LRRTM4: variants seen among roughly 807,000 people sequenced by gnomAD.
The protein encoded by LRRTM4 is leucine-rich repeat transmembrane neuronal protein 4.
A neutral mutation model predicts 47.6 loss-of-function variants in LRRTM4; 25 were observed. The observed-to-expected ratio is 0.53, with a 90% CI of 0.38 to 0.73. The LOEUF (loss-of-function observed/expected upper bound fraction) is 0.73. Among genes scored for constraint, LRRTM4 ranks in the 30% least tolerant of loss-of-function variants. The probability of loss-of-function intolerance (pLI) is 0.00; values close to 1 mark genes in which losing one functional copy is unlikely to be tolerated. For missense variants in LRRTM4, 638 were observed against 713.4 expected (o/e 0.89, Z 1.20); for synonymous variants, 311 against 269.5 (o/e 1.15, Z -1.51).
At chr2:77,280,085 C>A (rs984833212) in intron 3 of LRRTM4, among the ~76,000 whole-genome samples, 4 of 151,964 alleles carry the variant, frequency 2.6e-5, no homozygotes, top group African/African-American at 9.7e-5. Context: ...CGAGATTATC[C>A]TGAATCACTT....
At chr2:77,465,520 C>T (rs1676950209) in intron 3 of LRRTM4, among the ~76,000 whole-genome samples, 1 of 152,018 alleles carries the variant, frequency 6.6e-6, no homozygotes, top group African/African-American at 2.4e-5. Flanking sequence ...TAAAAGCAAA[C>T]ATCAGAAGAG....
At chr2:77,103,167 C>T (rs184543602) in intron 3 of LRRTM4, among the ~76,000 whole-genome samples, 13 of 152,248 alleles carry the variant, frequency 8.5e-5, no homozygotes, top group African/African-American at 3.1e-4. Context: ...GCAGAGACAG[C>T]AGCAGACTGT....
rs1553434339 is a variant in LRRTM4 at position 77,362,170 on chromosome 2, A to AAAGGAAGG, written c.1551+156140_1551+156147dup. Among the ~76,000 whole-genome samples, 164 of 133,574 alleles carry AAAGGAAGG rather than the reference A, an allele frequency of 1.2e-3. 2 individuals carry two copies. Among genetic ancestry groups the AAAGGAAGG allele is most frequent in the South Asian group, 3.8e-3 (16 of 4,246 alleles). 87.6% of individuals were successfully genotyped at this position (133,574 alleles called of 152,430 possible). On this transcript the variant is annotated intron_variant, in intron 3 of 3. Coordinates refer to ENST00000409884, the MANE Select transcript of LRRTM4 (RefSeq NM_001134745.3). Reference sequence around the variant, plus strand: ...GAAAGAAAGAAAGAAAGAAAGAAAGAAAGGAAGGAAGGAAGAGTTCTTAAT... The same window carrying AAAGGAAGG: ...GAAAGAAAGAAAGAAAGAAAGAAAGAAAGGAAGGAAGGAAGGAAGGAAGAGTTCTTAAT...
At chr2:77,285,340 T>TTATATATATATATATATATATATA (rs10527679) in intron 3 of LRRTM4, among the ~76,000 whole-genome samples, 2,461 of 82,178 alleles carry the variant, frequency 0.03, 260 homozygotes, top group Non-Finnish European at 0.039. Flanking sequence ...AGCATTAAAT[T>TTATATATATATATATATATATATA]TATATATATA....
chr2:76,944,777 A>G (rs1293823150), intron 3 of LRRTM4, among the ~76,000 whole-genome samples: 2 of 152,078 alleles, frequency 1.3e-5, no homozygotes, highest in East Asian at 3.9e-4. Context: ...CCCAAAGTTC[A>G]TTTTAGATTA....
rs189527217 is a variant in LRRTM4 at position 77,490,564 on chromosome 2, C to T, written c.1551+27754G>A. On this transcript the variant is annotated intron_variant, in intron 3 of 3. Transcript: ENST00000409884. The stretch of plus-strand genomic sequence containing the variant: ...ATCCTTAGCGAATGGTGACATTTTT[C>T]GTTATGAGATACAAATTGCTATTTT... 3.0e-3 allele frequency among the ~76,000 whole-genome samples: 452 copies of T among 151,914 alleles called. 3 individuals are homozygous for T. The highest frequency in any genetic ancestry group is 0.01 in the African/African-American group (433 of 41,458).
chr2:76,810,698 G>C (rs766780098), intron 3 of LRRTM4, among the ~76,000 whole-genome samples: 4 of 152,040 alleles, frequency 2.6e-5, no homozygotes, highest in African/African-American at 9.7e-5. Flanking sequence ...TCCTTATTTA[G>C]TTTCTATTTG....
intron 3 of LRRTM4, among the ~76,000 whole-genome samples, chr2:76,956,118 A>C (rs976873814): frequency 6.6e-6 from 1 of 151,720 alleles, no homozygotes; most frequent in Non-Finnish European, 1.5e-5. Context: ...TCAAAAGTGA[A>C]AGAATGAAAA....
At chr2:77,403,988 C>T (rs1187772195) in intron 3 of LRRTM4, among the ~76,000 whole-genome samples, 1 of 151,614 alleles carries the variant, frequency 6.6e-6, no homozygotes, top group Admixed American at 6.6e-5. Context: ...TTTTAAATGT[C>T]TCATAAATAC....
intron 3 of LRRTM4, among the ~76,000 whole-genome samples, chr2:76,822,543 G>C (rs1258448279): frequency 1.3e-5 from 2 of 151,478 alleles, no homozygotes; most frequent in South Asian, 4.1e-4. Context: ...TGAACTTTCA[G>C]AGGCAAAAAG....
At chr2:76,917,433 C>T (rs571539905) in intron 3 of LRRTM4, among the ~76,000 whole-genome samples, 7 of 152,166 alleles carry the variant, frequency 4.6e-5, no homozygotes, top group African/African-American at 1.7e-4. Context: ...GGAGTTAACT[C>T]CCTCTATTAA....
chr2:76,784,676 G>A (rs1674578746), intron 3 of LRRTM4, among the ~76,000 whole-genome samples: 1 of 151,976 alleles, frequency 6.6e-6, no homozygotes, highest in East Asian at 1.9e-4. Context: ...TTTCATGCAT[G>A]AATAGCTTCC....
At chr2:76,888,395 C>T (rs759216009) in intron 3 of LRRTM4, among the ~76,000 whole-genome samples, 4 of 151,420 alleles carry the variant, frequency 2.6e-5, no homozygotes, top group Non-Finnish European at 3.0e-5. Flanking sequence ...TTCTCGAACA[C>T]ATACATAGAC....
chr2:76,901,648 A>T (rs1183051598), intron 3 of LRRTM4, among the ~76,000 whole-genome samples: 1 of 152,190 alleles, frequency 6.6e-6, no homozygotes, highest in Non-Finnish European at 1.5e-5. Flanking sequence ...AAGATATAAA[A>T]GCCCAGAATG....
intron 3 of LRRTM4, among the ~76,000 whole-genome samples, chr2:77,034,044 A>G (rs13400981): frequency 0.068 from 10,387 of 151,808 alleles, 809 homozygotes; most frequent in African/African-American, 0.18. Context: ...AAATACTGGA[A>G]AAAACCATAA....
At chr2:76,894,932 A>G (rs1215591599) in intron 3 of LRRTM4, among the ~76,000 whole-genome samples, 5 of 151,608 alleles carry the variant, frequency 3.3e-5, no homozygotes, top group South Asian at 2.1e-4. Flanking sequence ...TTAATAATTT[A>G]TGCATTATAT....
intron 3 of LRRTM4, among the ~76,000 whole-genome samples, chr2:76,750,983 G>T (rs1443495038): frequency 6.6e-6 from 1 of 151,294 alleles, no homozygotes; most frequent in Non-Finnish European, 1.5e-5. Context: ...AAATTAGCTA[G>T]AATAGAAAGT....
intron 3 of LRRTM4, among the ~76,000 whole-genome samples, chr2:76,782,948 T>A (rs1201833392): frequency 6.6e-6 from 1 of 152,206 alleles, no homozygotes; most frequent in Non-Finnish European, 1.5e-5. Context: ...TTGTTGAAGC[T>A]TTTATTCAAA....
chr2:76,837,511 G>C (rs985920706), intron 3 of LRRTM4, among the ~76,000 whole-genome samples: 7 of 151,936 alleles, frequency 4.6e-5, no homozygotes, highest in African/African-American at 1.7e-4. Flanking sequence ...TCTCTTGTGG[G>C]CATTTAGTGC....
Sources: allele counts gnomAD v4.1 joint callset (sites outside exome capture counted in the v4.1 genomes callset), GRCh38; gene constraint gnomAD v4.1.1; transcripts MANE v1.5; gene names NCBI Gene and HGNC (gene_info 2026-07-23, HGNC 2026-07-21).